The following USP15 variants were observed in gnomAD, a reference collection of about 807,000 sequenced individuals.
USP15 encodes the protein ubiquitin carboxyl-terminal hydrolase 15.
USP15 carries 18 observed loss-of-function variants against 127.1 expected under a neutral mutation model. The ratio of observed to expected loss-of-function variants is 0.14; its 90% CI spans 0.10 to 0.21. USP15 has a LOEUF of 0.21. Ranked by LOEUF, USP15 falls within the 10% of genes least tolerant of loss-of-function variation. USP15 has a pLI of 1.00. For synonymous variants in USP15, 364 were observed against 393.7 expected (o/e 0.92, Z 0.89); for missense variants, 805 against 1,159.9 (o/e 0.69, Z 4.44).
intron 6 of USP15, chr12:62,335,106 G>C: frequency 2.0e-6 from 3 of 1,502,924 alleles, no homozygotes; most frequent in Non-Finnish European, 2.7e-6. Flanking sequence ...TTCTAGGTAA[G>C]TGGTTTGATG....
chr12:62,285,641 G>C (rs1162678997), intron 1 of USP15, among the ~76,000 whole-genome samples: 3 of 152,048 alleles, frequency 2.0e-5, no homozygotes, highest in Non-Finnish European at 4.4e-5. Flanking sequence ...CATGGTGTGT[G>C]TGTGTGTATC....
chr12:62,364,188 G>C (rs2066406669), intron 8 of USP15, among the ~76,000 whole-genome samples: 1 of 152,138 alleles, frequency 6.6e-6, no homozygotes, highest in African/African-American at 2.4e-5. Context: ...GGAGGAATGA[G>C]ACTTCGTTTG....
chr12:62,378,613 G>C (rs1475640822), intron 8 of USP15, among the ~76,000 whole-genome samples: 2 of 151,910 alleles, frequency 1.3e-5, no homozygotes, highest in African/African-American at 4.8e-5. Context: ...AATAAATGCT[G>C]GTCTCTGTTT....
chr12:62,287,450 C>G (rs2063820627), intron 1 of USP15, among the ~76,000 whole-genome samples: 1 of 151,974 alleles, frequency 6.6e-6, no homozygotes, highest in Non-Finnish European at 1.5e-5. Context: ...AGTTTGAGTT[C>G]CTTGTAAATT....
intron 2 of USP15, among the ~76,000 whole-genome samples, chr12:62,299,009 A>G (rs182990488): frequency 5.9e-5 from 9 of 152,034 alleles, no homozygotes; most frequent in African/African-American, 1.4e-4. Flanking sequence ...ATCACACCCT[A>G]TCCCTTCTTT....
chr12:62,315,241 A>T (rs2064799623), intron 4 of USP15, among the ~76,000 whole-genome samples: 1 of 152,164 alleles, frequency 6.6e-6, no homozygotes, highest in Non-Finnish European at 1.5e-5. Flanking sequence ...GGTAGCATGG[A>T]AAATGACAAT....
chr12:62,292,258 T>G (rs2063993849), intron 1 of USP15, among the ~76,000 whole-genome samples: 5 of 152,228 alleles, frequency 3.3e-5, no homozygotes, highest in Admixed American at 3.3e-4. Flanking sequence ...TTCAGTTCTC[T>G]TAGACACTGC....
chr12:62,392,168 T>C (rs1369426230), intron 17 of USP15, 104 bp from the exon 18 acceptor site: 9 of 816,116 alleles, frequency 1.1e-5, no homozygotes, highest in Admixed American at 3.0e-5. Flanking sequence ...TATGATTCTT[T>C]TGAGAAAGTT....
intron 1 of USP15, among the ~76,000 whole-genome samples, chr12:62,277,056 A>T (rs752864419): frequency 2.0e-5 from 3 of 152,088 alleles, no homozygotes; most frequent in Non-Finnish European, 4.4e-5. Context: ...TTCTGTGTGC[A>T]TATATGTGAA....
Position 62,400,843 on chromosome 12 carries a change from A to G in USP15, c.2675-344A>G, listed in dbSNP as rs545661949. 9.9e-4 allele frequency among the ~76,000 whole-genome samples: 151 copies of G among 152,202 alleles called. 2 individuals are homozygous for G. The highest frequency in any genetic ancestry group is 3.5e-3 in the African/African-American group (147 of 41,542). On this transcript the variant is annotated intron_variant, in intron 20 of 21. Coordinates refer to ENST00000280377, the MANE Select transcript of USP15 (RefSeq NM_001252078.2). Reference sequence around the variant, plus strand: ...GAATAATAATGATAATACCTTCTTTATGAGACAATACATGTAAAGTGCATA... The same window carrying G: ...GAATAATAATGATAATACCTTCTTTGTGAGACAATACATGTAAAGTGCATA...
At chr12:62,274,405 C>T (rs1039667417) in intron 1 of USP15, 6 of 90,276 alleles carry the variant, frequency 6.6e-5, no homozygotes, top group Admixed American at 5.8e-4. Context: ...TAAACATGTA[C>T]AAATCAGCAA....
chr12:62,272,271 G>A (rs1268954613), intron 1 of USP15, among the ~76,000 whole-genome samples: 4 of 151,978 alleles, frequency 2.6e-5, no homozygotes, highest in East Asian at 1.9e-4. Flanking sequence ...GAGATTAAGT[G>A]TGCTACATTG....
intron 21 of USP15, among the ~76,000 whole-genome samples, chr12:62,401,958 C>T (rs1430178605): frequency 6.7e-6 from 1 of 149,936 alleles, no homozygotes; most frequent in Non-Finnish European, 1.5e-5. Flanking sequence ...CTCCCTATAT[C>T]TATGACAAAA....
intron 1 of USP15, among the ~76,000 whole-genome samples, chr12:62,281,359 CAG>C (rs1363101708): frequency 6.6e-6 from 1 of 152,112 alleles, no homozygotes; most frequent in East Asian, 1.9e-4. Context: ...CTTTTTGAGA[CAG>C]AATCTTGCTC....
chr12:62,261,366 G>A (rs1207521584), intron 1 of USP15, among the ~76,000 whole-genome samples: 1 of 152,170 alleles, frequency 6.6e-6, no homozygotes, highest in Non-Finnish European at 1.5e-5. Context: ...ACTTAAATAT[G>A]TGAATATGTA....
chr12:62,402,639 A>C (rs1271058540), intron 21 of USP15, among the ~76,000 whole-genome samples: 3 of 152,112 alleles, frequency 2.0e-5, no homozygotes, highest in Non-Finnish European at 4.4e-5. Flanking sequence ...GATGTGACTC[A>C]AAGGAAAAGC....
At chr12:62,269,804 A>G (rs1238522570) in intron 1 of USP15, among the ~76,000 whole-genome samples, 2 of 152,130 alleles carry the variant, frequency 1.3e-5, no homozygotes, top group Admixed American at 6.6e-5. Context: ...CACATTTGAT[A>G]TATCCATTTA....
At chr12:62,342,381 G>A (rs1470131187) in intron 6 of USP15, among the ~76,000 whole-genome samples, 3 of 152,024 alleles carry the variant, frequency 2.0e-5, no homozygotes, top group Non-Finnish European at 4.4e-5. Flanking sequence ...AGAGGAGTTT[G>A]TTATTACCCA....
rs1469949507 is a variant in USP15, at chr12:62,406,887, C to G, written c.*2512C>G. ...GGCTGAGGTGAGAGAATTGCTTGAGCCCAGGCAGTCAAGGCCGCAGTTAGC... is the reference window on the plus strand; with the variant it reads ...GGCTGAGGTGAGAGAATTGCTTGAGGCCAGGCAGTCAAGGCCGCAGTTAGC... On this transcript the variant is annotated 3_prime_UTR_variant, in exon 22 of 22. Coordinates refer to ENST00000280377, the MANE Select transcript of USP15 (RefSeq NM_001252078.2). 1.3e-5 allele frequency: 2 copies of G among 151,932 alleles called. No individual in the cohort carries two copies. Among genetic ancestry groups the G allele is most frequent in the Admixed American group, 1.3e-4 (2 of 15,222 alleles). The allele number at this position is 151,932 out of a possible 1,614,324, so 9.4% of individuals were successfully genotyped here.
Sources: gnomAD v4.1 joint callset for allele counts (sites outside exome capture counted in the v4.1 genomes callset) on GRCh38, gnomAD v4.1.1 for gene constraint, MANE v1.5 for transcripts, NCBI Gene and HGNC (gene_info 2026-07-23, HGNC 2026-07-21) for gene names.